TOX: variants seen among roughly 807,000 people sequenced by gnomAD.
The protein encoded by TOX is thymocyte selection associated high mobility group box.
Under a neutral mutation model 53.7 loss-of-function variants are expected in TOX, and 11 were observed. The observed-to-expected ratio is 0.20, with a 90% CI of 0.13 to 0.34. The LOEUF (loss-of-function observed/expected upper bound fraction) is 0.34. TOX is among the 10% of genes least tolerant of loss of function. The pLI is 1.00. For missense variants in TOX, 570 were observed against 664.6 expected (o/e 0.86, Z 1.56); for synonymous variants, 225 against 245.3 (o/e 0.92, Z 0.77).
intron 6 of TOX, among the ~76,000 whole-genome samples, chr8:58,818,756 C>T (rs1019067763): frequency 2.0e-5 from 3 of 152,142 alleles, no homozygotes; most frequent in African/African-American, 7.2e-5. Context: ...ATTGACCTTC[C>T]TCATGCTCTT....
chr8:58,963,310 T>G (rs62508381), intron 1 of TOX, among the ~76,000 whole-genome samples: 317 of 85,216 alleles, frequency 3.7e-3, no homozygotes, highest in African/African-American at 9.0e-3. Flanking sequence ...TAGATAGATA[T>G]ATATATAGAT....
At chr8:59,018,533 A>C (rs1205763824) in intron 1 of TOX, among the ~76,000 whole-genome samples, 4 of 152,190 alleles carry the variant, frequency 2.6e-5, no homozygotes, top group Non-Finnish European at 1.5e-5. Context: ...TAAACAAGTC[A>C]ATGAATGTCT....
intron 1 of TOX, among the ~76,000 whole-genome samples, chr8:58,987,814 A>T (rs1813360950): frequency 6.6e-6 from 1 of 152,168 alleles, no homozygotes; most frequent in Admixed American, 6.5e-5. Flanking sequence ...AGGCACTGGA[A>T]GTGAGGTTGG....
intron 1 of TOX, among the ~76,000 whole-genome samples, chr8:59,009,593 G>C (rs868483747): frequency 1.1e-4 from 17 of 151,984 alleles, no homozygotes; most frequent in Non-Finnish European, 1.6e-4. Flanking sequence ...GGCTGGTCTC[G>C]AACTCCTGAC....
chr8:59,051,548 G>A (rs985761627), intron 1 of TOX, among the ~76,000 whole-genome samples: 1 of 151,898 alleles, frequency 6.6e-6, no homozygotes, highest in African/African-American at 2.4e-5. Context: ...AACATTTATG[G>A]GAGTCTATTA....
intron 1 of TOX, among the ~76,000 whole-genome samples, chr8:59,017,400 A>G (rs772029809): frequency 4.6e-5 from 7 of 151,960 alleles, no homozygotes; most frequent in Non-Finnish European, 8.8e-5. Flanking sequence ...TATCCTTCAA[A>G]ATGGTACCTG....
intron 3 of TOX, among the ~76,000 whole-genome samples, chr8:58,880,197 C>A (rs568431136): frequency 1.3e-5 from 2 of 152,186 alleles, no homozygotes; most frequent in South Asian, 2.1e-4. Flanking sequence ...GCAAGTTGGT[C>A]CTATCTGCCT....
chr8:58,897,145 T>C (rs1811662454), intron 3 of TOX, among the ~76,000 whole-genome samples: 1 of 152,210 alleles, frequency 6.6e-6, no homozygotes, highest in Admixed American at 6.5e-5. Context: ...AATATCTTCC[T>C]AGCAATGGAA....
At chr8:58,986,578 G>A (rs1349601794) in intron 1 of TOX, among the ~76,000 whole-genome samples, 1 of 152,174 alleles carries the variant, frequency 6.6e-6, no homozygotes, top group Admixed American at 6.5e-5. Context: ...CCCAGACATT[G>A]AAATGTATAT....
At chr8:59,038,313 T>C (rs1214570467) in intron 1 of TOX, among the ~76,000 whole-genome samples, 1 of 152,172 alleles carries the variant, frequency 6.6e-6, no homozygotes, top group Non-Finnish European at 1.5e-5. Flanking sequence ...CTTTCATGAA[T>C]CAAATAAATG....
chr8:58,832,299 T>G (rs984378185), intron 5 of TOX, among the ~76,000 whole-genome samples: 4 of 151,546 alleles, frequency 2.6e-5, no homozygotes, highest in African/African-American at 7.3e-5. Context: ...TTTGTGTGAA[T>G]ATGGACGGAC....
chr8:59,025,660 A>G (rs537586833), intron 1 of TOX, among the ~76,000 whole-genome samples: 22 of 152,208 alleles, frequency 1.4e-4, no homozygotes, highest in African/African-American at 5.3e-4. Context: ...TAGTCTCTCA[A>G]TCGGCCTGGT....
chr8:58,971,015 T>C (rs1019310860), intron 1 of TOX, among the ~76,000 whole-genome samples: 2 of 152,232 alleles, frequency 1.3e-5, no homozygotes, highest in South Asian at 2.1e-4. Context: ...CTAGTTTAAA[T>C]AGTCTGAAAA....
intron 3 of TOX, among the ~76,000 whole-genome samples, chr8:58,860,094 A>C (rs563944505): frequency 6.6e-6 from 1 of 152,222 alleles, no homozygotes; most frequent in South Asian, 2.1e-4. Context: ...AAGCAATTTT[A>C]CGCCATTTTA....
At position 58,807,637 on chromosome 8, in the gene TOX, A is replaced by G; in HGVS notation, c.*110T>C. 7.7e-7 allele frequency: 1 copy of G among 1,298,566 alleles called. No individual in the cohort carries two copies. The highest frequency in any genetic ancestry group is 1.3e-5 in the South Asian group (1 of 76,928). The allele number at this position is 1,298,566 out of a possible 1,614,324, so 80.4% of individuals were successfully genotyped here. ...CAAGCTCAAATGGTCCTAAGTGCTT[A>G]GCAACTTGTATTTTCTAATAAAATG... is the stretch of plus-strand genomic sequence containing the variant. On this transcript the variant is annotated 3_prime_UTR_variant, in exon 9 of 9. Coordinates refer to ENST00000361421, the MANE Select transcript of TOX (RefSeq NM_014729.3).
At chr8:59,075,695 A>C (rs1008068102) in intron 1 of TOX, among the ~76,000 whole-genome samples, 4 of 152,198 alleles carry the variant, frequency 2.6e-5, no homozygotes, top group African/African-American at 9.7e-5. Context: ...CTGGTTTTGT[A>C]GTCAGCAGCA....
chr8:58,881,032 G>A (rs1010278621), intron 3 of TOX, among the ~76,000 whole-genome samples: 3 of 152,008 alleles, frequency 2.0e-5, no homozygotes, highest in Non-Finnish European at 4.4e-5. Flanking sequence ...TTGGGGAAGA[G>A]GACTCCCACA....
chr8:58,919,205 C>T (rs1431343653), intron 3 of TOX, among the ~76,000 whole-genome samples: 1 of 148,558 alleles, frequency 6.7e-6, no homozygotes, highest in Non-Finnish European at 1.5e-5. Flanking sequence ...GAAAAAACTA[C>T]TTTAAAGTTC....
At chr8:59,067,406 T>C (rs1436204660) in intron 1 of TOX, among the ~76,000 whole-genome samples, 1 of 151,704 alleles carries the variant, frequency 6.6e-6, no homozygotes, top group Admixed American at 6.6e-5. Flanking sequence ...ATACAAAAAT[T>C]AGCCACCCAT....
Sources: allele counts gnomAD v4.1 joint callset (sites outside exome capture counted in the v4.1 genomes callset), GRCh38; gene constraint gnomAD v4.1.1; transcripts MANE v1.5; gene names NCBI Gene and HGNC (gene_info 2026-07-23, HGNC 2026-07-21).